Variants in RAP1A observed in about 807,000 individuals in gnomAD.
RAP1A encodes the protein RAP1A, member of RAS oncogene family, also known as ras-related protein Rap-1A.
RAP1A carries 6 observed loss-of-function variants against 26.4 expected under a neutral mutation model. The ratio of observed to expected loss-of-function variants is 0.23; its 90% CI spans 0.12 to 0.45. RAP1A has a LOEUF of 0.45. Ranked by LOEUF, RAP1A falls within the 20% of genes least tolerant of loss-of-function variation. The probability of loss-of-function intolerance (pLI) is 0.99; values close to 1 mark genes in which losing one functional copy is unlikely to be tolerated. For synonymous variants in RAP1A, 73 were observed against 79.4 expected, an observed-to-expected ratio of 0.92 and a Z score of 0.43; for missense variants, 121 against 217.2, an observed-to-expected ratio of 0.56 and a Z score of 2.78.
At chr1:111,667,345 T>C (rs1357841632) in intron 1 of RAP1A, among the ~76,000 whole-genome samples, 1 of 152,200 alleles carries the variant, frequency 6.6e-6, no homozygotes, top group East Asian at 1.9e-4. Context: ...ATAACTAATA[T>C]TCATAATTTT....
chr1:111,572,816 G>T (rs1658075426), intron 1 of RAP1A, among the ~76,000 whole-genome samples: 1 of 152,102 alleles, frequency 6.6e-6, no homozygotes, highest in African/African-American at 2.4e-5. Flanking sequence ...GTGTCACAGA[G>T]GTTTGTTGTA....
At chr1:111,563,866 G>A (rs1194122706) in intron 1 of RAP1A, 2 of 1,613,264 alleles carry the variant, frequency 1.2e-6, no homozygotes, top group South Asian at 2.2e-5. Flanking sequence ...GACTCAAGCA[G>A]CCCAGTGTCC....
intron 1 of RAP1A, among the ~76,000 whole-genome samples, chr1:111,611,824 A>T (rs1348506375): frequency 6.6e-6 from 1 of 152,228 alleles, no homozygotes; most frequent in Non-Finnish European, 1.5e-5. Context: ...TGGGTAAACA[A>T]ATCCTAAATA....
chr1:111,583,631 AAT>A (rs1658305486), intron 1 of RAP1A, among the ~76,000 whole-genome samples: 2 of 152,180 alleles, frequency 1.3e-5, no homozygotes, highest in African/African-American at 4.8e-5. Flanking sequence ...AATTGTTTAA[AAT>A]AGCATTATTT....
chr1:111,636,209 A>C (rs772405816), intron 1 of RAP1A, among the ~76,000 whole-genome samples: 4 of 152,108 alleles, frequency 2.6e-5, no homozygotes, highest in Non-Finnish European at 5.9e-5. Flanking sequence ...CAGTGACGTG[A>C]CTTTTGTTCT....
chr1:111,654,290 T>A (rs1557879679), intron 1 of RAP1A, among the ~76,000 whole-genome samples: 1 of 152,248 alleles, frequency 6.6e-6, no homozygotes, highest in African/African-American at 2.4e-5. Flanking sequence ...TGTTGTTACT[T>A]CAAACAAACC....
intron 1 of RAP1A, among the ~76,000 whole-genome samples, chr1:111,550,057 CT>C (rs1205824504): frequency 2.0e-5 from 3 of 152,068 alleles, no homozygotes; most frequent in African/African-American, 7.2e-5. Flanking sequence ...AGTTTTAGTA[CT>C]TTGTGTGTTT....
intron 1 of RAP1A, among the ~76,000 whole-genome samples, chr1:111,682,641 A>G (rs1450319744): frequency 6.6e-6 from 1 of 152,208 alleles, no homozygotes; most frequent in African/African-American, 2.4e-5. Flanking sequence ...TCCTAAATAT[A>G]TATGGACCCA....
In RAP1A at chr1:111,710,981, A is replaced by C. The variant is rs1013281580; in HGVS notation, c.*30-1450A>C. Reference sequence around the variant, plus strand: ...TGAGTAGCTGGGACTTCAGGTGTGCACCACCATGCCTGGCTAATTTTTGTA... The same window carrying C: ...TGAGTAGCTGGGACTTCAGGTGTGCCCCACCATGCCTGGCTAATTTTTGTA... On this transcript the variant is annotated intron_variant, in intron 7 of 7. Coordinates refer to ENST00000369709, the MANE Select transcript of RAP1A (RefSeq NM_002884.4). Among the ~76,000 whole-genome samples, 7 of 152,064 alleles carry C rather than the reference A, an allele frequency of 4.6e-5. No homozygotes were observed. The South Asian group carries it at 1.5e-3, about 32-fold the overall frequency.
intron 1 of RAP1A, among the ~76,000 whole-genome samples, chr1:111,629,198 A>G (rs1391219485): frequency 6.6e-6 from 1 of 152,156 alleles, no homozygotes; most frequent in Non-Finnish European, 1.5e-5. Flanking sequence ...ATATAGGAGC[A>G]AAAAAATGGG....
At chr1:111,702,171 T>G (rs1332205007) in intron 4 of RAP1A, among the ~76,000 whole-genome samples, 1 of 152,210 alleles carries the variant, frequency 6.6e-6, no homozygotes, top group Non-Finnish European at 1.5e-5. Context: ...CACAACAAGC[T>G]TAAGAAACTT....
At chr1:111,586,719 T>C (rs1658371492) in intron 1 of RAP1A, among the ~76,000 whole-genome samples, 1 of 152,338 alleles carries the variant, frequency 6.6e-6, no homozygotes, top group African/African-American at 2.4e-5. Flanking sequence ...TTGCAGGTTG[T>C]TGAAGGACTG....
At chr1:111,611,889 T>C (rs922677160) in intron 1 of RAP1A, among the ~76,000 whole-genome samples, 2 of 152,214 alleles carry the variant, frequency 1.3e-5, no homozygotes, top group Non-Finnish European at 2.9e-5. Flanking sequence ...TAAATTCAAA[T>C]TCAACTGGGG....
At chr1:111,597,168 C>T (rs1185937951) in intron 1 of RAP1A, among the ~76,000 whole-genome samples, 2 of 152,118 alleles carry the variant, frequency 1.3e-5, no homozygotes, top group Admixed American at 6.6e-5. Flanking sequence ...AAGCATGAAG[C>T]CATCTGAAAT....
At chr1:111,695,482 G>A in intron 3 of RAP1A, 73 bp downstream of exon 3, 1 of 1,127,054 alleles carries the variant, frequency 8.9e-7, no homozygotes, top group South Asian at 1.7e-5. Flanking sequence ...CTGTAGATTT[G>A]CTTTTTGAAA....
chr1:111,545,921 A>G (rs1329820410), intron 1 of RAP1A, among the ~76,000 whole-genome samples: 2 of 152,160 alleles, frequency 1.3e-5, no homozygotes, highest in Admixed American at 6.5e-5. Context: ...TTGAAAATCA[A>G]TTGTCCACAG....
chr1:111,667,087 G>A (rs1435969291), intron 1 of RAP1A, among the ~76,000 whole-genome samples: 1 of 152,168 alleles, frequency 6.6e-6, no homozygotes, highest in African/African-American at 2.4e-5. Context: ...ACTCAAGTGA[G>A]CAACAATGGA....
At position 111,632,918 on chromosome 1, in the gene RAP1A, T is replaced by C. The variant is rs1227477274; in HGVS notation, c.-28+12984T>C. On this transcript the variant is annotated intron_variant, in intron 1 of 7. Coordinates refer to ENST00000369709, the MANE Select transcript of RAP1A (RefSeq NM_002884.4). Reference sequence around the variant, plus strand: ...CCTGGGCAACAAGAGCAAAACTTGGTCTCAAAAAAAAAAAAAAAAAAAAAA... The same window carrying C: ...CCTGGGCAACAAGAGCAAAACTTGGCCTCAAAAAAAAAAAAAAAAAAAAAA... Among the ~76,000 whole-genome samples, 3 of 81,304 alleles carry C rather than the reference T, an allele frequency of 3.7e-5. No individual in the cohort carries two copies. The East Asian group carries it at 1.1e-3, about 30-fold the overall frequency. 53.3% of individuals were successfully genotyped at this position (81,304 alleles called of 152,430 possible).
intron 1 of RAP1A, among the ~76,000 whole-genome samples, chr1:111,544,655 C>T (rs1264768606): frequency 6.6e-6 from 1 of 152,164 alleles, no homozygotes; most frequent in Non-Finnish European, 1.5e-5. Flanking sequence ...AATAACACTG[C>T]TATGAACATT....
Sources: gnomAD v4.1 joint callset for allele counts (sites outside exome capture counted in the v4.1 genomes callset) on GRCh38, gnomAD v4.1.1 for gene constraint, MANE v1.5 for transcripts, NCBI Gene and HGNC (gene_info 2026-07-23, HGNC 2026-07-21) for gene names.